Variants in EXOC4 observed in about 807,000 individuals in gnomAD.
EXOC4 encodes SEC8-like 1.
Under a neutral mutation model 107.2 loss-of-function variants are expected in EXOC4, and 71 were observed. The ratio of observed to expected loss-of-function variants is 0.66; its 90% CI spans 0.55 to 0.81. EXOC4 has a LOEUF of 0.81. Among genes scored for constraint, EXOC4 ranks in the 30% least tolerant of loss-of-function variants. The probability of loss-of-function intolerance (pLI) is 0.00; values close to 1 mark genes in which losing one functional copy is unlikely to be tolerated. For missense variants in EXOC4, 1,108 were observed against 1,189.6 expected, an observed-to-expected ratio of 0.93 and a Z score of 1.01; for synonymous variants, 456 against 441.2, an observed-to-expected ratio of 1.03 and a Z score of -0.42.
intron 7 of EXOC4, among the ~76,000 whole-genome samples, chr7:133,474,039 G>T: frequency 6.6e-6 from 1 of 152,052 alleles, no homozygotes; most frequent in East Asian, 1.9e-4. Flanking sequence ...TTCAGCTACT[G>T]TGTGTGTTTA....
chr7:133,528,529 G>A (rs184415229), intron 9 of EXOC4, among the ~76,000 whole-genome samples: 38 of 152,192 alleles, frequency 2.5e-4, no homozygotes, highest in African/African-American at 8.9e-4. Context: ...CTGTCAGTTG[G>A]TTTTCGGGAA....
chr7:133,608,900 TAAAC>T (rs997350935), intron 9 of EXOC4, among the ~76,000 whole-genome samples: 67 of 152,284 alleles, frequency 4.4e-4, no homozygotes, highest in African/African-American at 1.6e-3. Flanking sequence ...GAATTTCAAA[TAAAC>T]ACAAAATTTG....
chr7:133,743,296 G>C (rs921236912), intron 10 of EXOC4, among the ~76,000 whole-genome samples: 2 of 152,098 alleles, frequency 1.3e-5, no homozygotes, highest in Admixed American at 6.6e-5. Flanking sequence ...CCTGATTGAA[G>C]GCCCTGATTG....
At chr7:133,987,113 G>C (rs1794132668) in intron 14 of EXOC4, among the ~76,000 whole-genome samples, 1 of 152,164 alleles carries the variant, frequency 6.6e-6, no homozygotes. Context: ...TGCTATAGAA[G>C]TTAGGAAGGT....
chr7:133,952,054 G>T (rs775271676), intron 14 of EXOC4, among the ~76,000 whole-genome samples: 1 of 152,140 alleles, frequency 6.6e-6, no homozygotes, highest in Non-Finnish European at 1.5e-5. Context: ...TACTCAGGAG[G>T]CTGAGGCAGG....
intron 9 of EXOC4, among the ~76,000 whole-genome samples, chr7:133,567,191 G>T (rs1024397695): frequency 2.6e-5 from 4 of 151,726 alleles, no homozygotes; most frequent in Admixed American, 2.6e-4. Context: ...TTTCCCACAG[G>T]TTAATTTATA....
At chr7:134,090,244 A>T in the EXOC4 span, among the ~76,000 whole-genome samples, 1 of 152,226 alleles carries the variant, frequency 6.6e-6, no homozygotes. Flanking sequence ...CCCTGAACCC[A>T]GGCCACCATT....
At chr7:133,864,306 G>A (rs952463218) in intron 11 of EXOC4, among the ~76,000 whole-genome samples, 9 of 152,156 alleles carry the variant, frequency 5.9e-5, no homozygotes, top group African/African-American at 2.2e-4. Flanking sequence ...TGGTAGAGAG[G>A]AAAATTATAT....
At chr7:134,059,423 T>C (rs1343421619) in intron 17 of EXOC4, among the ~76,000 whole-genome samples, 1 of 152,080 alleles carries the variant, frequency 6.6e-6, no homozygotes, top group Admixed American at 6.6e-5. Context: ...TAAAAAGATA[T>C]CAACAATTCA....
chr7:133,950,431 G>A (rs555596499), intron 14 of EXOC4, among the ~76,000 whole-genome samples: 52 of 152,248 alleles, frequency 3.4e-4, no homozygotes, highest in African/African-American at 1.1e-3. Context: ...TTTGGACCAC[G>A]ATAAGACAGC....
intron 7 of EXOC4, among the ~76,000 whole-genome samples, chr7:133,418,539 G>A (rs1036304639): frequency 1.3e-5 from 2 of 152,190 alleles, no homozygotes; most frequent in African/African-American, 4.8e-5. Context: ...AGAAAAAAAT[G>A]GGTCAGTGCA....
chr7:133,491,739 T>G (rs966187759), intron 9 of EXOC4, among the ~76,000 whole-genome samples: 1 of 152,122 alleles, frequency 6.6e-6, no homozygotes, highest in African/African-American at 2.4e-5. Context: ...TTAGAAGTAC[T>G]TTGGGGAGTA....
chr7:133,628,887 G>A (rs1194348615), intron 9 of EXOC4, among the ~76,000 whole-genome samples: 2 of 152,168 alleles, frequency 1.3e-5, no homozygotes, highest in Non-Finnish European at 2.9e-5. Context: ...TTTGCAGGAT[G>A]GATATCAGCA....
intron 9 of EXOC4, among the ~76,000 whole-genome samples, chr7:133,612,676 G>T (rs1200375751): frequency 6.6e-6 from 1 of 152,198 alleles, no homozygotes; most frequent in East Asian, 1.9e-4. Context: ...AGACCAATTA[G>T]GAGGCCAGTA....
intron 11 of EXOC4, among the ~76,000 whole-genome samples, chr7:133,828,356 G>A (rs79421615): frequency 4.6e-5 from 7 of 152,240 alleles, no homozygotes; most frequent in African/African-American, 1.2e-4. Context: ...ATGATAGTTA[G>A]CATTCTTGGG....
At chr7:134,061,434 C>T (rs1283053782) in intron 17 of EXOC4, among the ~76,000 whole-genome samples, 5 of 152,150 alleles carry the variant, frequency 3.3e-5, no homozygotes, top group Non-Finnish European at 4.4e-5. Flanking sequence ...CTGACTGAGT[C>T]GTGGCTGGTT....
chr7:133,515,329 GCA>G (rs1799852204), intron 9 of EXOC4, among the ~76,000 whole-genome samples: 2 of 110,940 alleles, frequency 1.8e-5, no homozygotes, highest in African/African-American at 6.2e-5. Context: ...GCCCAAGTGT[GCA>G]TACACACACA....
chr7:133,916,508 ATC>A (rs1201481729), intron 12 of EXOC4, among the ~76,000 whole-genome samples: 1 of 150,606 alleles, frequency 6.6e-6, no homozygotes, highest in Non-Finnish European at 1.5e-5. Flanking sequence ...GCCTCAAGCA[ATC>A]CTCCTGCCTC....
chr7:133,301,649 G>C (rs1794643554), intron 3 of EXOC4, among the ~76,000 whole-genome samples: 1 of 152,140 alleles, frequency 6.6e-6, no homozygotes, highest in East Asian at 1.9e-4. Flanking sequence ...CTACCAGATG[G>C]TTTAGTTATC....
Sources: gnomAD v4.1 joint callset for allele counts (sites outside exome capture counted in the v4.1 genomes callset) on GRCh38, gnomAD v4.1.1 for gene constraint, MANE v1.5 for transcripts, NCBI Gene and HGNC (gene_info 2026-07-23, HGNC 2026-07-21) for gene names.